The following REV3L variants were observed in gnomAD, a reference collection of about 807,000 sequenced individuals.
REV3L encodes DNA polymerase zeta catalytic subunit.
A neutral mutation model predicts 299.4 loss-of-function variants in REV3L; 69 were observed. The observed-to-expected ratio is 0.23, with a 90% CI of 0.19 to 0.28. The LOEUF (loss-of-function observed/expected upper bound fraction) is 0.28. Among genes scored for constraint, REV3L ranks in the 10% least tolerant of loss-of-function variants. REV3L has a pLI of 1.00. For missense variants in REV3L, 3,128 were observed against 3,693.8 expected (o/e 0.85, Z 3.97); for synonymous variants, 1,238 against 1,271.4 (o/e 0.97, Z 0.56).
chr6:111,342,719 A>G (rs1776647785), intron 21 of REV3L, among the ~76,000 whole-genome samples: 2 of 152,030 alleles, frequency 1.3e-5, no homozygotes, highest in Non-Finnish European at 2.9e-5. Context: ...AGACAGGAGA[A>G]CTGAGAAACT....
At chr6:111,412,800 T>TA (rs1784385523) in intron 2 of REV3L, among the ~76,000 whole-genome samples, 1 of 151,124 alleles carries the variant, frequency 6.6e-6, no homozygotes, top group Non-Finnish European at 1.5e-5. Context: ...TACCAAGGTC[T>TA]AAAGGGTTCC....
intron 4 of REV3L, among the ~76,000 whole-genome samples, chr6:111,400,161 T>G (rs1562254844): frequency 6.6e-6 from 1 of 152,194 alleles, no homozygotes; most frequent in Non-Finnish European, 1.5e-5. Flanking sequence ...ACATCTCGGT[T>G]GCTTTACATT....
intron 13 of REV3L, among the ~76,000 whole-genome samples, chr6:111,371,161 T>G (rs1049558376): frequency 2.6e-5 from 4 of 152,066 alleles, no homozygotes; most frequent in African/African-American, 9.7e-5. Context: ...CTGCAACTGG[T>G]TAAGTATATG....
Position 111,316,224 on chromosome 6 carries a change from T to TA in REV3L, c.8352-844dup, listed in dbSNP as rs75805183. On this transcript the variant is annotated intron_variant, in intron 26 of 31. Coordinates refer to ENST00000368802, the MANE Select transcript of REV3L (RefSeq NM_001372078.1). The stretch of plus-strand genomic sequence containing the variant: ...CTGCACTGCAGCTTAGGACTCCATC[T>TA]AAAAAAAAAAAAAAAAGGTTGGGGA... Among the ~76,000 whole-genome samples the TA allele has an allele frequency of 4.1e-3, 425 of 104,202 alleles. 3 individuals are homozygous for TA. The highest frequency in any genetic ancestry group is 0.017 in the South Asian group (57 of 3,368). The allele number at this position is 104,202 out of a possible 152,430, so 68.4% of individuals were successfully genotyped here. A position where few individuals can be genotyped will look rare whatever the true frequency, so the allele number is the denominator to read the frequency against.
rs1777345870 is a variant in REV3L at position 111,349,282 on chromosome 6, G to A, written c.7355C>T (p.Thr2452Ile). 6.2e-7 allele frequency: 1 copy of A among 1,608,330 alleles called. No individual in the cohort carries two copies. The change falls in exon 20 of 32, where the codon ACA (threonine) becomes ATA (isoleucine). Residue 2452 changes from threonine to isoleucine, a missense_variant. Thr to Ile is a moderately conservative substitution (Grantham distance 89). Around this residue, in one of 9 missense-constraint regions of REV3L, gnomAD observed 50 missense variants for 48.2 expected, o/e 1.04. Coordinates refer to ENST00000368802, the MANE Select transcript of REV3L (RefSeq NM_001372078.1). ...GCCAACAATATTTATCTCACTCATT[G>A]TATATGATCCATACTCATCTCTTTC... ...AAERDEYGSYTMSEINIVGRI... is the reference protein window; with the variant it reads ...AAERDEYGSYIMSEINIVGRI...
Position 111,375,474 on chromosome 6 carries a change from A to T in REV3L, c.2881T>A (p.Ser961Thr). ...IGESLDGTLK[S>T]RKRRKMSKKL... ...TTAGACATTTTTCTTCGTTTTCGGGATTTGAGAGTTCCATCTAAACTTTCA... is the reference window on the plus strand; with the variant it reads ...TTAGACATTTTTCTTCGTTTTCGGGTTTTGAGAGTTCCATCTAAACTTTCA... The change falls in exon 13 of 32, where the codon TCC becomes ACC. Residue 961 changes from serine to threonine, a missense_variant. Physicochemically the swap from Ser to Thr is moderately conservative, Grantham distance 58 (BLOSUM62 1). Coordinates refer to ENST00000368802, the MANE Select transcript of REV3L (RefSeq NM_001372078.1). 1 of 1,604,256 alleles carries T rather than the reference A, an allele frequency of 6.2e-7. No individual in the cohort carries two copies. Among genetic ancestry groups the T allele is most frequent in the African/African-American group, 1.3e-5 (1 of 74,090 alleles).
chr6:111,468,832 C>T (rs1470471770), intron 1 of REV3L, among the ~76,000 whole-genome samples: 1 of 152,132 alleles, frequency 6.6e-6, no homozygotes, highest in Non-Finnish European at 1.5e-5. Flanking sequence ...ATTCTGTTTA[C>T]ATAATGAAGC....
At chr6:111,392,023 A>G (rs2128255655) in intron 5 of REV3L, among the ~76,000 whole-genome samples, 1 of 152,356 alleles carries the variant, frequency 6.6e-6, no homozygotes, top group East Asian at 1.9e-4. Context: ...CTCTTCATTC[A>G]TACAATTTAA....
At chr6:111,326,025 G>T (rs1774755156) in intron 25 of REV3L, among the ~76,000 whole-genome samples, 1 of 151,822 alleles carries the variant, frequency 6.6e-6, no homozygotes, top group Non-Finnish European at 1.5e-5. Context: ...TGTGATATTT[G>T]TCTTTCTCTG....
chr6:111,433,659 C>T (rs1007462806), intron 1 of REV3L, among the ~76,000 whole-genome samples: 15 of 152,100 alleles, frequency 9.9e-5, no homozygotes, highest in African/African-American at 2.9e-4. Context: ...TCAAACTCTT[C>T]AAACAAAATT....
intron 11 of REV3L, among the ~76,000 whole-genome samples, chr6:111,379,557 G>C (rs577493029): frequency 1.3e-5 from 2 of 152,232 alleles, no homozygotes; most frequent in African/African-American, 4.8e-5. Flanking sequence ...TTATTTATTT[G>C]TTTTTAACCT....
intron 7 of REV3L, 42 bp downstream of exon 7, chr6:111,389,064 A>ATT: frequency 7.1e-7 from 1 of 1,413,738 alleles, no homozygotes. Flanking sequence ...CCATTAAAAT[A>ATT]CTTGATTTAA....
chr6:111,408,800 T>C (rs1783927729), intron 3 of REV3L, among the ~76,000 whole-genome samples: 1 of 152,180 alleles, frequency 6.6e-6, no homozygotes, highest in Admixed American at 6.5e-5. Context: ...TTCTCCCACC[T>C]TAGCCTCCAG....
At chr6:111,339,612 G>C (rs1776277421) in intron 21 of REV3L, among the ~76,000 whole-genome samples, 1 of 151,872 alleles carries the variant, frequency 6.6e-6, no homozygotes, top group African/African-American at 2.4e-5. Flanking sequence ...ATTTAACAAG[G>C]GACATTTTAT....
intron 4 of REV3L, among the ~76,000 whole-genome samples, chr6:111,401,753 C>T (rs1166374777): frequency 5.3e-5 from 8 of 152,094 alleles, no homozygotes; most frequent in Non-Finnish European, 1.5e-5. Flanking sequence ...AGAGACAAAA[C>T]AAATAAAACT....
intron 21 of REV3L, among the ~76,000 whole-genome samples, chr6:111,337,912 A>G (rs1776076542): frequency 6.6e-6 from 1 of 152,154 alleles, no homozygotes; most frequent in South Asian, 2.1e-4. Flanking sequence ...GAAAAAGGAG[A>G]TAACATTTAC....
chr6:111,412,779 A>C (rs547983068), intron 2 of REV3L, among the ~76,000 whole-genome samples: 35 of 151,696 alleles, frequency 2.3e-4, no homozygotes, highest in East Asian at 3.9e-4. Context: ...AAAAAAAAAA[A>C]AACAACTATT....
At chr6:111,475,208 A>G (rs1792788646) in intron 1 of REV3L, among the ~76,000 whole-genome samples, 1 of 152,170 alleles carries the variant, frequency 6.6e-6, no homozygotes, top group Non-Finnish European at 1.5e-5. Context: ...TTATTTTTAA[A>G]GGCTGACTAG....
intron 6 of REV3L, among the ~76,000 whole-genome samples, chr6:111,389,727 ATTTTTTTTTTTTT>A (rs10713895): frequency 2.2e-4 from 18 of 81,340 alleles, no homozygotes; most frequent in Admixed American, 1.2e-3. Context: ...TTGGTCATTA[ATTTTTTTTTTTTT>A]TTTTTTTTTT....
Sources: gnomAD v4.1 joint callset for allele counts (sites outside exome capture counted in the v4.1 genomes callset) on GRCh38, gnomAD v4.1.1 for gene constraint, gnomAD v4.1.1 regional missense constraint, MANE v1.5 for transcripts, NCBI Gene and HGNC (gene_info 2026-07-23, HGNC 2026-07-21) for gene names.